Variants in CHST1 observed in about 807,000 individuals in gnomAD.
CHST1 encodes carbohydrate sulfotransferase 1, also known as Keratan sulfotransferase.
Under a neutral mutation model 22.5 loss-of-function variants are expected in CHST1, and 10 were observed. The ratio of observed to expected loss-of-function variants is 0.44; its 90% CI spans 0.27 to 0.75. The LOEUF is 0.75. Ranked by LOEUF, CHST1 falls within the 30% of genes least tolerant of loss-of-function variation. The probability of loss-of-function intolerance (pLI) is 0.15; values close to 1 mark genes in which losing one functional copy is unlikely to be tolerated. For missense variants in CHST1, 439 were observed against 576.1 expected (o/e 0.76, Z 2.44); for synonymous variants, 267 against 264.5 (o/e 1.01, Z -0.09).
rs1289552216 is a variant in CHST1 at position 45,647,865 on chromosome 11, C to T, written c.*1823G>A. Among the ~76,000 whole-genome samples, 1 of 152,216 alleles carries T rather than the reference C, an allele frequency of 6.6e-6. No individual in the cohort carries two copies. Among genetic ancestry groups the T allele is most frequent in the African/African-American group, 2.4e-5 (1 of 41,456 alleles). On this transcript the variant is annotated 3_prime_UTR_variant, in exon 4 of 4. Coordinates refer to ENST00000308064, the MANE Select transcript of CHST1 (RefSeq NM_003654.6). ...CTAGAGCTGTTGAACTGTCTACATC[C>T]TCCTGACACATATAAAATAGCCCAG...
Position 45,649,909 on chromosome 11 carries a change from C to T in CHST1, c.1015G>A (p.Asp339Asn), listed in dbSNP as rs753627273. 1.2e-5 allele frequency: 20 copies of T among 1,612,060 alleles called. No individual in the cohort carries two copies. The highest frequency in any genetic ancestry group is 1.7e-5 in the Non-Finnish European group (20 of 1,180,012). Residue 339 changes from aspartate to asparagine, a missense_variant, in exon 4 of 4, where the codon GAC becomes AAC. Coordinates refer to ENST00000308064, the MANE Select transcript of CHST1 (RefSeq NM_003654.6). ...ARWIQNNTRG[D>N]PTLGKHKYGT... ...TATTTGTGCTTGCCCAGGGTGGGGT[C>T]GCCCCGCGTGTTGTTCTGGATCCAG...
chr11:45,664,382 G>A (rs1191224922), intron 1 of CHST1, among the ~76,000 whole-genome samples: 1 of 152,236 alleles, frequency 6.6e-6, no homozygotes, highest in Non-Finnish European at 1.5e-5. Context: ...CCAGAGCTGA[G>A]GAAGGCAGTC....
At position 45,649,365 on chromosome 11, in the gene CHST1, C is replaced by T; in HGVS notation, c.*323G>A. On this transcript the variant is annotated 3_prime_UTR_variant, in exon 4 of 4. Transcript: ENST00000308064. The stretch of plus-strand genomic sequence containing the variant: ...AGCTTGAGAAGTCGCCTCGCGAGTG[C>T]CCGTGTGCGTGTGTGGATGTGTAAA... The T allele has an allele frequency of 2.9e-6, 1 of 342,226 alleles. No individual in the cohort carries two copies. The highest frequency in any genetic ancestry group is 5.3e-6 in the Non-Finnish European group (1 of 189,756). The allele number at this position is 342,226 out of a possible 1,614,324, so 21.2% of individuals were successfully genotyped here.
chr11:45,663,281 G>A (rs193195036), intron 1 of CHST1, among the ~76,000 whole-genome samples: 5 of 152,230 alleles, frequency 3.3e-5, no homozygotes, highest in Middle Eastern at 3.4e-3. Flanking sequence ...CTCCTCCTCC[G>A]ATGCGGCCTG....
rs1221422467 is a variant in CHST1, at chr11:45,650,439, G to A, written c.485C>T (p.Ser162Phe). 4 of 1,610,784 alleles carry A rather than the reference G, an allele frequency of 2.5e-6. No homozygotes were observed. The South Asian group carries it at 4.4e-5, about 18-fold the overall frequency. ...CCCCGGAGGGTCGCACACAGGCCGG[G>A]AGCAGAGGACCCGGCTGGCCCCGCG... ...FRRGASRVLC[S>F]RPVCDPPGPA... Residue 162 changes from serine (S) to phenylalanine (F), a missense_variant, in exon 4 of 4, where the codon TCC (serine) becomes TTC (phenylalanine). Ser to Phe is a radical substitution (Grantham distance 155). Coordinates refer to ENST00000308064, the MANE Select transcript of CHST1 (RefSeq NM_003654.6).
chr11:45,661,986 G>A, intron 1 of CHST1, among the ~76,000 whole-genome samples: 1 of 152,248 alleles, frequency 6.6e-6, no homozygotes, highest in South Asian at 2.1e-4. Flanking sequence ...TGCTCAGGCT[G>A]GAGCCCCAAG....
chr11:45,659,551 C>T (rs1003912419), intron 1 of CHST1, among the ~76,000 whole-genome samples: 4 of 152,170 alleles, frequency 2.6e-5, no homozygotes. Flanking sequence ...GTTCCCCTGG[C>T]ATACCAATAG....
At chr11:45,663,418 A>G (rs1166186234) in intron 1 of CHST1, among the ~76,000 whole-genome samples, 1 of 152,238 alleles carries the variant, frequency 6.6e-6, no homozygotes, top group African/African-American at 2.4e-5. Flanking sequence ...TGTGACTCAC[A>G]GAGATGGCTC....
At chr11:45,653,152 C>T (rs919712475) in intron 1 of CHST1, among the ~76,000 whole-genome samples, 1 of 152,222 alleles carries the variant, frequency 6.6e-6, no homozygotes, top group Non-Finnish European at 1.5e-5. Flanking sequence ...CCTTTGGGAG[C>T]GGGTGAGTGG....
intron 1 of CHST1, among the ~76,000 whole-genome samples, chr11:45,662,319 G>A (rs1447573): frequency 0.96 from 146,397 of 152,334 alleles, 70,361 homozygotes; most frequent in East Asian, 1. Flanking sequence ...CTGAGGCAGG[G>A]AGCTGCCTGT....
At chr11:45,661,670 A>G (rs760808259) in intron 1 of CHST1, among the ~76,000 whole-genome samples, 3 of 152,262 alleles carry the variant, frequency 2.0e-5, no homozygotes, top group Non-Finnish European at 4.4e-5. Context: ...AAGGGTCGGC[A>G]GCTAAAGAGC....
intron 1 of CHST1, among the ~76,000 whole-genome samples, chr11:45,660,321 C>A (rs1261129128): frequency 6.6e-6 from 1 of 152,136 alleles, no homozygotes; most frequent in Non-Finnish European, 1.5e-5. Context: ...GGTTCATATG[C>A]GAGTGAGGTC....
chr11:45,652,107 G>C lies in CHST1; in HGVS notation c.-140-17C>G, dbSNP rs1271185742. ...GCCAGCAGACTGCAAAAGACAGGGAGGGGAAGGGCTCAGAAGGTGGAGCTG... is the reference window on the plus strand; with the variant it reads ...GCCAGCAGACTGCAAAAGACAGGGACGGGAAGGGCTCAGAAGGTGGAGCTG... On this transcript the variant is annotated splice_polypyrimidine_tract_variant and intron_variant, in intron 2 of 3. Transcript: ENST00000308064. The C allele has an allele frequency of 1.3e-5, 2 of 152,398 alleles. No individual in the cohort carries two copies. Among genetic ancestry groups the C allele is most frequent in the African/African-American group, 4.8e-5 (2 of 41,450 alleles). The allele number at this position is 152,398 out of a possible 1,614,324, so 9.4% of individuals were successfully genotyped here.
chr11:45,656,836 G>A (rs1852068759), intron 1 of CHST1, among the ~76,000 whole-genome samples: 1 of 151,376 alleles, frequency 6.6e-6, no homozygotes. Flanking sequence ...GGGCCACTAA[G>A]GACAGTAGGC....
At chr11:45,656,254 G>A (rs1218261557) in intron 1 of CHST1, among the ~76,000 whole-genome samples, 4 of 152,038 alleles carry the variant, frequency 2.6e-5, no homozygotes, top group African/African-American at 4.8e-5. Context: ...CCAAGCTTGG[G>A]CACCCCACTC....
At chr11:45,653,083 T>A (rs1376483573) in intron 1 of CHST1, among the ~76,000 whole-genome samples, 1 of 152,250 alleles carries the variant, frequency 6.6e-6, no homozygotes, top group Non-Finnish European at 1.5e-5. Flanking sequence ...TCACAGCTGA[T>A]AGGGTGAACT....
At chr11:45,651,060 GC>G in intron 3 of CHST1, 95 bp from the exon 4 acceptor site, 1 of 906,470 alleles carries the variant, frequency 1.1e-6, no homozygotes, top group Middle Eastern at 3.4e-4. Context: ...CCAGGGAAAG[GC>G]CCGGCTCCTG....
intron 1 of CHST1, among the ~76,000 whole-genome samples, chr11:45,658,463 G>T (rs1419521431): frequency 6.6e-6 from 1 of 152,320 alleles, no homozygotes. Context: ...CCACTGAAGC[G>T]CCAGCAGCCT....
At position 45,656,780 on chromosome 11, in the gene CHST1, C is replaced by T. The variant is rs543599309; in HGVS notation, c.-226-4174G>A. On this transcript the variant is annotated intron_variant, in intron 1 of 3. Coordinates refer to ENST00000308064, the MANE Select transcript of CHST1 (RefSeq NM_003654.6). The stretch of plus-strand genomic sequence containing the variant: ...ACCCCCATTTCCAAGGCACCAGGGT[C>T]AAAGGCACTGCTTTTCCGCCAGAAA... Among the ~76,000 whole-genome samples the T allele has an allele frequency of 1.7e-3, 235 of 140,710 alleles. 2 individuals are homozygous for T. The highest frequency in any genetic ancestry group is 7.4e-3 in the Middle Eastern group (2 of 272). The allele number at this position is 140,710 out of a possible 152,430, so 92.3% of individuals were successfully genotyped here.
Sources: allele counts gnomAD v4.1 joint callset (sites outside exome capture counted in the v4.1 genomes callset), GRCh38; gene constraint gnomAD v4.1.1; transcripts MANE v1.5; gene names NCBI Gene and HGNC (gene_info 2026-07-23, HGNC 2026-07-21).